Variants in NCOR2 observed in about 807,000 individuals in gnomAD.
NCOR2 encodes the protein CTG repeat protein 26.
A neutral mutation model predicts 262.9 loss-of-function variants in NCOR2; 81 were observed. The ratio of observed to expected loss-of-function variants is 0.31; its 90% confidence interval spans 0.26 to 0.37. NCOR2 has a LOEUF of 0.37. Ranked by LOEUF, NCOR2 falls within the 10% of genes least tolerant of loss-of-function variation. The pLI, the probability that NCOR2 is intolerant of heterozygous loss-of-function variation, is 1.00. For missense variants in NCOR2, 3,385 were observed against 3,621.4 expected (o/e 0.93, Z 1.68); for synonymous variants, 1,659 against 1,559.3 (o/e 1.06, Z -1.51).
intron 16 of NCOR2, among the ~76,000 whole-genome samples, chr12:124,393,847 A>G (rs2041481096): frequency 6.6e-6 from 1 of 152,250 alleles, no homozygotes; most frequent in Non-Finnish European, 1.5e-5. Flanking sequence ...CAAAGCTTCC[A>G]GCAGTGCCCA....
intron 34 of NCOR2, among the ~76,000 whole-genome samples, chr12:124,341,052 C>T (rs1469038466): frequency 6.6e-6 from 1 of 152,248 alleles, no homozygotes; most frequent in Non-Finnish European, 1.5e-5. Flanking sequence ...CCTACACAAT[C>T]CATTCCCTGT....
intron 20 of NCOR2, among the ~76,000 whole-genome samples, chr12:124,365,526 G>GC (rs535135937): frequency 1.1e-3 from 167 of 152,308 alleles, no homozygotes; most frequent in African/African-American, 3.5e-3. Flanking sequence ...GGGGCCACCG[G>GC]CATGTGACCG....
chr12:124,565,406 T>C (rs1024181448), intron 1 of NCOR2, among the ~76,000 whole-genome samples: 1 of 152,178 alleles, frequency 6.6e-6, no homozygotes, highest in African/African-American at 2.4e-5. Context: ...CAGTCACCGC[T>C]GGCTCCACCC....
intron 1 of NCOR2, among the ~76,000 whole-genome samples, chr12:124,543,934 CGA>C (rs1728861086): frequency 6.6e-6 from 1 of 152,290 alleles, no homozygotes; most frequent in South Asian, 2.1e-4. Context: ...AAGCCCCTTA[CGA>C]TGATTAACTC....
At chr12:124,337,681 G>C (rs889996028) in intron 37 of NCOR2, among the ~76,000 whole-genome samples, 2 of 152,212 alleles carry the variant, frequency 1.3e-5, no homozygotes, top group African/African-American at 4.8e-5. Context: ...GCCACGTGAG[G>C]AGTGAGAGAG....
intron 17 of NCOR2, among the ~76,000 whole-genome samples, chr12:124,382,770 G>A (rs1252104627): frequency 6.6e-6 from 1 of 152,264 alleles, no homozygotes; most frequent in Non-Finnish European, 1.5e-5. Context: ...CTGCTGAATG[G>A]ACAGTGAGGA....
At chr12:124,559,257 T>A (rs568825844) in intron 1 of NCOR2, among the ~76,000 whole-genome samples, 1 of 152,346 alleles carries the variant, frequency 6.6e-6, no homozygotes, top group East Asian at 1.9e-4. Flanking sequence ...TGGAACCAGA[T>A]GGCCCAGAGG....
chr12:124,448,771 C>A (rs1246480770), intron 7 of NCOR2, among the ~76,000 whole-genome samples: 1 of 152,314 alleles, frequency 6.6e-6, no homozygotes. Context: ...AAGGTTTGCA[C>A]GCTTTCAGGA....
chr12:124,336,607 G>GA, intron 38 of NCOR2, 146 bp downstream of exon 40: 1 of 1,464,188 alleles, frequency 6.8e-7, no homozygotes. Context: ...TTTGGACCAC[G>GA]AGACGGGGTG....
intron 1 of NCOR2, among the ~76,000 whole-genome samples, chr12:124,525,012 T>C (rs2137114055): frequency 6.6e-6 from 1 of 152,358 alleles, no homozygotes; most frequent in Middle Eastern, 3.4e-3. Context: ...AAATTAACTA[T>C]GGAGCAAAAG....
intron 7 of NCOR2, among the ~76,000 whole-genome samples, chr12:124,438,488 G>A (rs116786364): frequency 2.4e-4 from 36 of 152,214 alleles, no homozygotes; most frequent in Non-Finnish European, 4.1e-4. Flanking sequence ...GTCCTGCTGC[G>A]GGGGGAGGGA....
rs117178862 is a variant in NCOR2, at chr12:124,556,565, T to C, written c.-165+10743A>G. 807 of 152,166 alleles carry C rather than the reference T, an allele frequency of 5.3e-3. 21 individuals are homozygous for C. Among genetic ancestry groups the C allele is most frequent in the East Asian group, 0.028 (145 of 5,148 alleles). The allele number at this position is 152,166 out of a possible 1,614,324, so 9.4% of individuals were successfully genotyped here. ...GGAGGGGAGAGGGTGCAATTTTCAA[T>C]ATGAAAATATCAGGCCAGGCGTGGT... On this transcript the variant is annotated intron_variant, in intron 1 of 32. Coordinates refer to the NCOR2 transcript ENST00000458234.
At chr12:124,410,847 G>A (rs1029213530) in intron 13 of NCOR2, among the ~76,000 whole-genome samples, 5 of 152,118 alleles carry the variant, frequency 3.3e-5, no homozygotes, top group African/African-American at 4.8e-5. Context: ...CAAACTGTCC[G>A]AGTGCCACAG....
intron 44 of NCOR2, 41 bp from the exon 47 acceptor site, chr12:124,327,674 C>T: frequency 6.9e-7 from 1 of 1,440,520 alleles, no homozygotes; most frequent in Non-Finnish European, 9.4e-7. Flanking sequence ...CACATGGGGG[C>T]CGGGGAGGGG....
intron 1 of NCOR2, chr12:124,513,261 G>T (rs746091785): frequency 4.6e-5 from 7 of 152,228 alleles, no homozygotes; most frequent in Non-Finnish European, 8.8e-5. Flanking sequence ...GAACGACTCC[G>T]GAGGAAGAGG....
intron 16 of NCOR2, among the ~76,000 whole-genome samples, chr12:124,393,878 G>A (rs911910654): frequency 1.3e-5 from 2 of 152,262 alleles, no homozygotes; most frequent in African/African-American, 2.4e-5. Context: ...TGGGCTCCAC[G>A]GTGTTACTGG....
At chr12:124,472,925 A>G in intron 4 of NCOR2, 27 bp downstream of exon 6, 1 of 1,610,046 alleles carries the variant, frequency 6.2e-7, no homozygotes, top group Non-Finnish European at 8.5e-7. Context: ...CAGAACAAAC[A>G]CTCCCCCTCC....
At chr12:124,546,763 T>C (rs2051557805) in intron 1 of NCOR2, among the ~76,000 whole-genome samples, 1 of 152,056 alleles carries the variant, frequency 6.6e-6, no homozygotes, top group South Asian at 2.1e-4. Flanking sequence ...GATGAGATCT[T>C]GCACCGTCGC....
chr12:124,516,769 C>T (rs888329888), intron 1 of NCOR2, among the ~76,000 whole-genome samples: 5 of 151,662 alleles, frequency 3.3e-5, no homozygotes, highest in South Asian at 2.1e-4. Context: ...AATACCATCG[C>T]CCTGAGATGC....
Sources: allele counts gnomAD v4.1 joint callset (sites outside exome capture counted in the v4.1 genomes callset), GRCh38; gene constraint gnomAD v4.1.1; transcripts MANE v1.5; gene names NCBI Gene and HGNC (gene_info 2026-07-23, HGNC 2026-07-21).